Variants in TMEM161B observed in about 807,000 individuals in gnomAD.
TMEM161B encodes the protein transmembrane protein 161B.
TMEM161B carries 34 observed loss-of-function variants against 61.8 expected under a neutral mutation model. The ratio of observed to expected loss-of-function variants is 0.55; its 90% CI spans 0.42 to 0.73. The LOEUF is 0.73. Among genes scored for constraint, TMEM161B ranks in the 30% least tolerant of loss-of-function variants. TMEM161B has a pLI of 0.00. For missense variants in TMEM161B, 456 were observed against 558.5 expected, an observed-to-expected ratio of 0.82 and a Z score of 1.85; for synonymous variants, 167 against 192.8, an observed-to-expected ratio of 0.87 and a Z score of 1.11.
intron 5 of TMEM161B, among the ~76,000 whole-genome samples, chr5:88,211,309 C>T (rs1746694047): frequency 6.6e-6 from 1 of 151,514 alleles, no homozygotes; most frequent in South Asian, 2.1e-4. Flanking sequence ...ATAGGATATG[C>T]ATATTTCATA....
At chr5:88,263,718 T>C (rs914280507) in intron 1 of TMEM161B, among the ~76,000 whole-genome samples, 6 of 152,336 alleles carry the variant, frequency 3.9e-5, no homozygotes, top group African/African-American at 1.2e-4. Context: ...ATCAACTTAA[T>C]GCACTTTAAG....
At chr5:88,224,021 T>G (rs1004009755) in intron 4 of TMEM161B, among the ~76,000 whole-genome samples, 6 of 152,198 alleles carry the variant, frequency 3.9e-5, no homozygotes, top group African/African-American at 1.4e-4. Flanking sequence ...TAATAAACTT[T>G]CACGTATTTC....
chr5:88,191,996 ATATATATATAT>A (rs1231789250), downstream of TMEM161B, among the ~76,000 whole-genome samples: 1 of 74,140 alleles, frequency 1.3e-5, no homozygotes, highest in Non-Finnish European at 2.5e-5. Context: ...ATATATATAT[ATATATATATAT>A]ATATATATAT....
At chr5:88,221,733 A>T (rs1350408888) in intron 4 of TMEM161B, 1 of 456,048 alleles carries the variant, frequency 2.2e-6, no homozygotes, top group Non-Finnish European at 4.4e-6. Flanking sequence ...GTAGTCCAAA[A>T]CATCAACATC....
At chr5:88,243,043 A>G (rs1267891519) in intron 1 of TMEM161B, among the ~76,000 whole-genome samples, 5 of 151,784 alleles carry the variant, frequency 3.3e-5, no homozygotes, top group Non-Finnish European at 5.9e-5. Flanking sequence ...CAGTTCTCAA[A>G]AAAGAAATTA....
chr5:88,186,284 C>CT (rs1457811507), downstream of TMEM161B, among the ~76,000 whole-genome samples: 1 of 152,208 alleles, frequency 6.6e-6, no homozygotes, highest in Non-Finnish European at 1.5e-5. Context: ...AATTTCTCCT[C>CT]TTTCCTCAGG....
At position 88,206,433 on chromosome 5, in the gene TMEM161B, A is replaced by G; in HGVS notation, c.659+6T>C. The G allele has an allele frequency of 1.3e-6, 2 of 1,596,040 alleles. No individual in the cohort carries two copies. The highest frequency in any genetic ancestry group is 1.7e-6 in the Non-Finnish European group (2 of 1,171,372). On this transcript the variant is annotated splice_donor_region_variant and intron_variant, in intron 7 of 11. Transcript: ENST00000296595. ...TTAAATAATGCTTAATTTTTCAAAA[A>G]CTTACTGAGATTCTAAACCTTGCTT...
chr5:88,191,982 G>GTGTATA (rs1748949655), downstream of TMEM161B, among the ~76,000 whole-genome samples: 1 of 19,666 alleles, frequency 5.1e-5, no homozygotes, highest in Non-Finnish European at 8.3e-5. Context: ...AAAAAAAAGT[G>GTGTATA]TATATATATA....
chr5:88,230,437 T>G (rs547358435), intron 2 of TMEM161B, among the ~76,000 whole-genome samples: 5 of 152,282 alleles, frequency 3.3e-5, no homozygotes, highest in Non-Finnish European at 5.9e-5. Flanking sequence ...ATCTACTCCT[T>G]GTATACTTGA....
chr5:88,196,178 G>A lies in TMEM161B; in HGVS notation c.*33C>T. ...GGGCACAGATATTTTAATTTAAAGG[G>A]TGATTTGGATATGCTTTTTTGTTAA... On this transcript the variant is annotated 3_prime_UTR_variant, in exon 12 of 12. Transcript: ENST00000296595. 1.9e-6 allele frequency: 3 copies of A among 1,568,118 alleles called. No homozygotes were observed. Among genetic ancestry groups the A allele is most frequent in the Non-Finnish European group, 2.6e-6 (3 of 1,161,586 alleles).
chr5:88,205,807 C>T lies in TMEM161B; in HGVS notation c.800+7G>A, dbSNP rs147842561. On this transcript the variant is annotated splice_region_variant and intron_variant, in intron 8 of 11. Coordinates refer to ENST00000296595, the MANE Select transcript of TMEM161B (RefSeq NM_153354.5). ...TCTGCATGTGCTTATGTACATTTTC[C>T]GCTTACTGTGTAATTTTTTCTGTTG... is the stretch of plus-strand genomic sequence containing the variant. The T allele has an allele frequency of 1.8e-4, 295 of 1,611,650 alleles. No individual in the cohort carries two copies. The African/African-American group carries it at 3.5e-3, about 19-fold the overall frequency.
At chr5:88,213,894 A>G (rs1747343417) in intron 5 of TMEM161B, among the ~76,000 whole-genome samples, 1 of 152,192 alleles carries the variant, frequency 6.6e-6, no homozygotes, top group South Asian at 2.1e-4. Flanking sequence ...TTTTCTCACT[A>G]GAACTGAAAT....
chr5:88,254,419 G>C (rs776327434), intron 1 of TMEM161B, among the ~76,000 whole-genome samples: 2 of 152,156 alleles, frequency 1.3e-5, no homozygotes, highest in African/African-American at 4.8e-5. Flanking sequence ...AAAGAAAGGA[G>C]AGGAAGAAGG....
intron 5 of TMEM161B, among the ~76,000 whole-genome samples, chr5:88,217,772 C>T (rs189588706): frequency 1.4e-4 from 21 of 151,932 alleles, no homozygotes; most frequent in Non-Finnish European, 2.9e-4. Flanking sequence ...TCAAAGCTTC[C>T]CTTCAGATTT....
chr5:88,204,672 G>GT, intron 8 of TMEM161B, among the ~76,000 whole-genome samples: 1 of 152,040 alleles, frequency 6.6e-6, no homozygotes, highest in African/African-American at 2.4e-5. Context: ...GGAGAACCAG[G>GT]TTTTGTCTTA....
downstream of TMEM161B, among the ~76,000 whole-genome samples, chr5:88,191,511 C>T (rs530536183): frequency 3.8e-4 from 58 of 152,254 alleles, no homozygotes; most frequent in African/African-American, 1.3e-3. Flanking sequence ...CAAATGGGTA[C>T]AAACCAAATT....
chr5:88,199,062 G>A lies in TMEM161B; in HGVS notation c.1003C>T (p.Gln335Ter). 1 of 1,613,036 alleles carries A rather than the reference G, an allele frequency of 6.2e-7. No individual in the cohort carries two copies. The highest frequency in any genetic ancestry group is 8.5e-7 in the Non-Finnish European group (1 of 1,179,436). The change falls in exon 10 of 12, where the codon CAA becomes TAA. Residue 335 changes from glutamine to a stop codon, truncating the protein, a stop_gained. Transcript: ENST00000296595. LOFTEE classifies it high-confidence loss of function. Reference sequence around the variant, plus strand: ...TTTTGGGCTAAATTTAAATAAGCTTGCAGGTGACTACGCATCATGGCCAAC... The same window carrying A: ...TTTTGGGCTAAATTTAAATAAGCTTACAGGTGACTACGCATCATGGCCAAC... ...LRLAMMRSHL[Q>*]AYLNLAQKCV...
chr5:88,239,216 A>C (rs1170775612), intron 2 of TMEM161B, among the ~76,000 whole-genome samples: 2 of 152,046 alleles, frequency 1.3e-5, no homozygotes, highest in African/African-American at 4.8e-5. Context: ...ATAGAAATAG[A>C]TGGAAAACAG....
intron 1 of TMEM161B, 144 bp downstream of exon 1, chr5:88,268,577 A>G: frequency 9.2e-7 from 1 of 1,087,040 alleles, no homozygotes; most frequent in Admixed American, 2.0e-5. Flanking sequence ...ACACCCTGAG[A>G]TAGGTGGTGG....
Sources: allele counts gnomAD v4.1 joint callset (sites outside exome capture counted in the v4.1 genomes callset), GRCh38; gene constraint gnomAD v4.1.1; transcripts MANE v1.5; gene names NCBI Gene and HGNC (gene_info 2026-07-23, HGNC 2026-07-21).